The following LAMP3 variants were observed in gnomAD, a reference collection of about 807,000 sequenced individuals.
LAMP3 encodes the protein lysosome associated membrane protein 3.
Under a neutral mutation model 34.8 loss-of-function variants are expected in LAMP3, and 26 were observed. The observed-to-expected ratio is 0.75, with a 90% confidence interval of 0.55 to 1.04. LAMP3 has a LOEUF of 1.04. LAMP3 is among the 50% of genes least tolerant of loss of function. The pLI, the probability that LAMP3 is intolerant of heterozygous loss-of-function variation, is 0.00. For synonymous variants in LAMP3, 180 were observed against 201.9 expected, an observed-to-expected ratio of 0.89 and a Z score of 0.92; for missense variants, 495 against 524.0, an observed-to-expected ratio of 0.94 and a Z score of 0.54.
rs1719728143 is a variant in LAMP3 at position 183,124,134 on chromosome 3, C to T, written c.1198G>A (p.Gly400Ser). The change falls in exon 6 of 6, where the codon GGT becomes AGT. Residue 400 changes from glycine (G) to serine (S), a missense_variant. Gly to Ser is a moderately conservative substitution (Grantham distance 56). Transcript: ENST00000265598. ...CACCTTAGGCGGATTTTATAGACAC[C>T]CATACCCATAAGGCAGAGACCAACC... ...IVVGLCLMGM[G>S]VYKIRLRCQS... The T allele has an allele frequency of 6.2e-7, 1 of 1,613,720 alleles. No individual in the cohort carries two copies. Among genetic ancestry groups the T allele is most frequent in the Non-Finnish European group, 8.5e-7 (1 of 1,179,852 alleles).
At chr3:183,152,121 G>A (rs1011895776) in intron 3 of LAMP3, among the ~76,000 whole-genome samples, 9 of 152,198 alleles carry the variant, frequency 5.9e-5, no homozygotes, top group South Asian at 2.1e-4. Context: ...CAAAGGGCAC[G>A]GGTGGTTACG....
intron 4 of LAMP3, among the ~76,000 whole-genome samples, chr3:183,137,962 G>T (rs1485802130): frequency 6.6e-6 from 1 of 151,920 alleles, no homozygotes; most frequent in African/African-American, 2.4e-5. Flanking sequence ...TGGAATTATA[G>T]GTGCCCGCCA....
At chr3:183,126,822 T>A (rs913500107) in intron 5 of LAMP3, among the ~76,000 whole-genome samples, 1 of 152,194 alleles carries the variant, frequency 6.6e-6, no homozygotes, top group South Asian at 2.1e-4. Flanking sequence ...TAAGATAGGA[T>A]CATACAAGTA....
intron 1 of LAMP3, among the ~76,000 whole-genome samples, chr3:183,154,720 A>G (rs893234470): frequency 3.3e-5 from 5 of 152,196 alleles, no homozygotes; most frequent in South Asian, 2.1e-4. Context: ...ATGCCTCTTC[A>G]TTCTCCACCT....
At chr3:183,135,586 A>C (rs1720057715) in intron 5 of LAMP3, 131 bp downstream of exon 5, 1 of 866,484 alleles carries the variant, frequency 1.2e-6, no homozygotes. Flanking sequence ...CCTGTGAGCT[A>C]TGTGGAATCA....
chr3:183,151,397 C>T (rs1576884695), intron 3 of LAMP3, among the ~76,000 whole-genome samples: 1 of 151,818 alleles, frequency 6.6e-6, no homozygotes. Context: ...CTTGAGCATC[C>T]GCCACTTCCC....
chr3:183,152,040 G>A (rs1490524137), intron 3 of LAMP3, among the ~76,000 whole-genome samples: 1 of 152,132 alleles, frequency 6.6e-6, no homozygotes, highest in Non-Finnish European at 1.5e-5. Flanking sequence ...GAATAATCCT[G>A]TTCCTCTGGG....
At chr3:183,124,489 G>A (rs1719737297) in intron 5 of LAMP3, among the ~76,000 whole-genome samples, 2 of 152,184 alleles carry the variant, frequency 1.3e-5, no homozygotes, top group South Asian at 2.1e-4. Flanking sequence ...TTCCTGAACT[G>A]AGTAAGAAGT....
At chr3:183,148,455 C>T (rs1720513024) in intron 3 of LAMP3, among the ~76,000 whole-genome samples, 1 of 152,120 alleles carries the variant, frequency 6.6e-6, no homozygotes, top group South Asian at 2.1e-4. Flanking sequence ...ATAGAAGAAG[C>T]TCAAACAACT....
chr3:183,144,770 T>A (rs1488373115), intron 3 of LAMP3, among the ~76,000 whole-genome samples: 1 of 152,162 alleles, frequency 6.6e-6, no homozygotes, highest in Non-Finnish European at 1.5e-5. Flanking sequence ...CTGGGCATGG[T>A]GGCATGTACC....
In LAMP3 at chr3:183,154,065, C is replaced by A; in HGVS notation, c.376G>T (p.Gly126Cys). 6.2e-7 allele frequency: 1 copy of A among 1,613,978 alleles called. No homozygotes were observed. The highest frequency in any genetic ancestry group is 1.1e-5 in the South Asian group (1 of 91,066). ...TAPPVTEVTVGPSLAPYSLPP... is the reference protein window; with the variant it reads ...TAPPVTEVTVCPSLAPYSLPP... ...AGTGAATAAGGGGCTAAGCTAGGGC[C>A]GACTGTAACTTCAGTAACTGGAGGA... is the stretch of plus-strand genomic sequence containing the variant. Residue 126 changes from glycine (G) to cysteine (C), a missense_variant, in exon 2 of 6, where the codon GGC becomes TGC. Gly to Cys is a radical substitution (Grantham distance 159). Transcript: ENST00000265598.
chr3:183,136,940 C>T (rs1053819552), intron 4 of LAMP3, among the ~76,000 whole-genome samples: 1 of 151,250 alleles, frequency 6.6e-6, no homozygotes, highest in African/African-American at 2.4e-5. Context: ...CCCAGGAGTT[C>T]GAGGTTGCAG....
intron 4 of LAMP3, among the ~76,000 whole-genome samples, chr3:183,139,178 T>C (rs902163595): frequency 1.3e-5 from 2 of 151,742 alleles, no homozygotes; most frequent in Non-Finnish European, 2.9e-5. Context: ...TCACTTGAGG[T>C]CAGGTGTTTG....
chr3:183,149,326 G>A (rs778670082), intron 3 of LAMP3, among the ~76,000 whole-genome samples: 35 of 151,746 alleles, frequency 2.3e-4, no homozygotes, highest in Non-Finnish European at 3.8e-4. Context: ...CGGATCACGA[G>A]GTCAAGAGAT....
intron 4 of LAMP3, among the ~76,000 whole-genome samples, chr3:183,139,017 CT>C (rs969574523): frequency 6.6e-6 from 1 of 152,196 alleles, no homozygotes; most frequent in African/African-American, 2.4e-5. Context: ...CCTTTCTCCC[CT>C]GAAGGCTTCC....
chr3:183,143,102 T>G (rs1720335562), intron 3 of LAMP3, among the ~76,000 whole-genome samples: 1 of 152,176 alleles, frequency 6.6e-6, no homozygotes, highest in Non-Finnish European at 1.5e-5. Flanking sequence ...TGACTAGGAC[T>G]AAGCTGATGT....
chr3:183,135,682 G>A (rs759538289), intron 5 of LAMP3, 35 bp downstream of exon 5: 2 of 1,600,714 alleles, frequency 1.2e-6, no homozygotes, highest in South Asian at 1.1e-5. Context: ...GGTCTCTAAA[G>A]TGTATGTTTG....
intron 4 of LAMP3, among the ~76,000 whole-genome samples, chr3:183,137,675 C>G (rs1417148266): frequency 6.6e-6 from 1 of 152,198 alleles, no homozygotes; most frequent in Non-Finnish European, 1.5e-5. Context: ...CAACTGATTA[C>G]TATTCTTAAT....
At chr3:183,162,516 C>T (rs1372523566) in intron 1 of LAMP3, 91 bp downstream of exon 1, 3 of 1,310,184 alleles carry the variant, frequency 2.3e-6, no homozygotes, top group African/African-American at 1.5e-5. Flanking sequence ...ACCCGCAGCC[C>T]GTCCTGTGGC....
Sources: gnomAD v4.1 joint callset for allele counts (sites outside exome capture counted in the v4.1 genomes callset) on GRCh38, gnomAD v4.1.1 for gene constraint, MANE v1.5 for transcripts, NCBI Gene and HGNC (gene_info 2026-07-23, HGNC 2026-07-21) for gene names.